OSBPL5: variants seen among roughly 807,000 people sequenced by gnomAD.
OSBPL5 encodes oxysterol-binding protein-related protein 5.
In OSBPL5, 71 loss-of-function variants were observed where a neutral mutation model predicts 111.2. That is an observed-to-expected ratio of 0.64 (90% confidence interval 0.53 to 0.78). The LOEUF is 0.78. Among genes scored for constraint, OSBPL5 ranks in the 30% least tolerant of loss-of-function variants. OSBPL5 has a pLI of 0.00. For missense variants in OSBPL5, 1,210 were observed against 1,189.3 expected, an observed-to-expected ratio of 1.02 and a Z score of -0.26; for synonymous variants, 549 against 513.9, an observed-to-expected ratio of 1.07 and a Z score of -0.93.
rs1020601841 is a variant in OSBPL5, at chr11:3,119,690, T to C, written c.607-59A>G. ...CAACACCCAGGGCCAGCTGCACAGATAGGTCAGGCAGAACCATGCGGATCC... is the reference window on the plus strand; with the variant it reads ...CAACACCCAGGGCCAGCTGCACAGACAGGTCAGGCAGAACCATGCGGATCC... On this transcript the variant is annotated intron_variant, in intron 6 of 21. Transcript: ENST00000263650. 9.3e-6 allele frequency: 14 copies of C among 1,513,330 alleles called. No homozygotes were observed. In the African/African-American group the frequency reaches 1.4e-4, roughly 16 times the overall value. The allele number at this position is 1,513,330 out of a possible 1,614,324, so 93.7% of individuals were successfully genotyped here.
rs1010405330 is a variant in OSBPL5, at chr11:3,140,520, T to A, written c.-21-11351A>T. On this transcript the variant is annotated intron_variant, in intron 1 of 21. Transcript: ENST00000263650. The surrounding 1 kb of genome is among the most constrained non-coding windows in gnomAD (Gnocchi z 4.5). ...TGACCTGGTAGCCCACTTTCAACAC[T>A]CCGTGAGCACGCAGGGCCTCCCCCA... Among the ~76,000 whole-genome samples, 5 of 151,960 alleles carry A rather than the reference T, an allele frequency of 3.3e-5. No individual in the cohort carries two copies. Among genetic ancestry groups the A allele is most frequent in the Admixed American group, 6.5e-5 (1 of 15,272 alleles).
Position 3,092,286 on chromosome 11 carries a change from G to C in OSBPL5, c.2259+146C>G. 1 of 1,192,002 alleles carries C rather than the reference G, an allele frequency of 8.4e-7. No individual in the cohort carries two copies. The highest frequency in any genetic ancestry group is 3.0e-5 in the Admixed American group (1 of 33,184). The allele number at this position is 1,192,002 out of a possible 1,614,324, so 73.8% of individuals were successfully genotyped here. A position where few individuals can be genotyped will look rare whatever the true frequency, so the allele number is the denominator to read the frequency against. On this transcript the variant is annotated intron_variant, in intron 19 of 21. Transcript: ENST00000263650. This position sits in a 1 kb window ranked among gnomAD's most constrained non-coding sequence, Gnocchi z 5.4. ...TTTCCTGAGTCCCATGCTCGGCAGA[G>C]AAGGAAAGGGGACGAGGGGGCTGGG... is the stretch of plus-strand genomic sequence containing the variant.
chr11:3,114,028 G>C (rs1020803451), intron 7 of OSBPL5, among the ~76,000 whole-genome samples: 2 of 151,976 alleles, frequency 1.3e-5, no homozygotes, highest in Non-Finnish European at 2.9e-5. Context: ...AAATGTAATA[G>C]GACAAATACT....
intron 1 of OSBPL5, among the ~76,000 whole-genome samples, chr11:3,151,228 CT>C (rs1220628321): frequency 1.3e-5 from 2 of 152,178 alleles, no homozygotes; most frequent in Non-Finnish European, 2.9e-5. Flanking sequence ...GAGCGCAGCC[CT>C]GCCGGCACTG....
chr11:3,121,223 A>C lies in OSBPL5; in HGVS notation c.403-599T>G, dbSNP rs761280152. Among the ~76,000 whole-genome samples, 1 of 151,678 alleles carries C rather than the reference A, an allele frequency of 6.6e-6. No individual in the cohort carries two copies. The highest frequency in any genetic ancestry group is 1.5e-5 in the Non-Finnish European group (1 of 67,906). ...CAGGCGCCCGCCACCATGCCTGGCT[A>C]ATTTCTGTATTTTTAGTAGAGACGG... On this transcript the variant is annotated intron_variant, in intron 5 of 21. Coordinates refer to ENST00000263650, the MANE Select transcript of OSBPL5 (RefSeq NM_020896.4). This position sits in a 1 kb window ranked among gnomAD's most constrained non-coding sequence, Gnocchi z 4.3.
intron 7 of OSBPL5, among the ~76,000 whole-genome samples, chr11:3,112,710 C>T (rs1858047962): frequency 6.6e-6 from 1 of 152,088 alleles, no homozygotes; most frequent in Non-Finnish European, 1.5e-5. Context: ...GATAGGTAGT[C>T]CCTACTACAT....
rs1255092002 is a variant in OSBPL5 at position 3,129,263 on chromosome 11, C to T, written c.-21-94G>A. 1.0e-5 allele frequency: 12 copies of T among 1,168,220 alleles called. No homozygotes were observed. In the Admixed American group the frequency reaches 3.7e-4, roughly 36 times the overall value. 72.4% of individuals were successfully genotyped at this position (1,168,220 alleles called of 1,614,324 possible). A position where few individuals can be genotyped will look rare whatever the true frequency, so the allele number is the denominator to read the frequency against. On this transcript the variant is annotated intron_variant, in intron 1 of 21. Coordinates refer to ENST00000263650, the MANE Select transcript of OSBPL5 (RefSeq NM_020896.4). ...GGGTGCCCCTGGCTAAGAAGTCCCC[C>T]TCTCAGGGGACTTCTGAGGCAGGGT...
Position 3,120,463 on chromosome 11 carries a change from G to C in OSBPL5, c.564C>G (p.Phe188Leu). Reference protein sequence around the residue: ...ERPSKKDGFCFKLFHPLDQSV... With the variant: ...ERPSKKDGFCLKLFHPLDQSV... ...ACTGATCCAGCGGGTGGAAGAGCTT[G>C]AAGCAGAAGCCGTCCTTCTTGGAGG... Residue 188 changes from phenylalanine to leucine, a missense_variant, in exon 6 of 22, where the codon TTC (phenylalanine) becomes TTG (leucine). Transcript: ENST00000263650. 6.2e-7 allele frequency: 1 copy of C among 1,613,304 alleles called. No individual in the cohort carries two copies. Among genetic ancestry groups the C allele is most frequent in the Non-Finnish European group, 8.5e-7 (1 of 1,180,024 alleles).
chr11:3,107,259 T>A lies in OSBPL5; in HGVS notation c.1059+4A>T. The A allele has an allele frequency of 6.2e-7, 1 of 1,610,456 alleles. No individual in the cohort carries two copies. Among genetic ancestry groups the A allele is most frequent in the Non-Finnish European group, 8.5e-7 (1 of 1,178,860 alleles). ...CTTGGGGCTCCTGGCTGGGGGGCTC[T>A]CACCTCCCCCAGCTCCTCCTGGACC... On this transcript the variant is annotated splice_donor_region_variant and intron_variant, in intron 9 of 21. Coordinates refer to ENST00000263650, the MANE Select transcript of OSBPL5 (RefSeq NM_020896.4). The surrounding 1 kb of genome is among the most constrained non-coding windows in gnomAD (Gnocchi z 6.1).
At chr11:3,128,810 C>T (rs914555138) in intron 2 of OSBPL5, among the ~76,000 whole-genome samples, 2 of 152,196 alleles carry the variant, frequency 1.3e-5, no homozygotes, top group Admixed American at 6.5e-5. Flanking sequence ...ACCAGATGGG[C>T]TTCACCTGGC....
Position 3,141,186 on chromosome 11 carries a change from C to T in OSBPL5, c.-21-12017G>A, listed in dbSNP as rs1846101770. Among the ~76,000 whole-genome samples the T allele has an allele frequency of 6.6e-6, 1 of 152,222 alleles. No individual in the cohort carries two copies. The highest frequency in any genetic ancestry group is 1.5e-5 in the Non-Finnish European group (1 of 68,036). ...TGACAGCCACCCAGGCTTCCCCCCG[C>T]CCAGCAGACAGTATCGTCATCATGT... On this transcript the variant is annotated intron_variant, in intron 1 of 21. Coordinates refer to ENST00000263650, the MANE Select transcript of OSBPL5 (RefSeq NM_020896.4). The surrounding 1 kb of genome is among the most constrained non-coding windows in gnomAD (Gnocchi z 6.5).
In OSBPL5 at chr11:3,110,433, G is replaced by C. The variant is rs767505352; in HGVS notation, c.692-2488C>G. Among the ~76,000 whole-genome samples the C allele has an allele frequency of 1.3e-5, 2 of 152,252 alleles. No homozygotes were observed. Among genetic ancestry groups the C allele is most frequent in the Non-Finnish European group, 2.9e-5 (2 of 68,046 alleles). ...GCCACTCAGGGAACAGCAACAGCGTGCAATGCATTTGGGAGTCAGGGAAAT... is the reference window on the plus strand; with the variant it reads ...GCCACTCAGGGAACAGCAACAGCGTCCAATGCATTTGGGAGTCAGGGAAAT... On this transcript the variant is annotated intron_variant, in intron 7 of 21. Transcript: ENST00000263650. This position sits in a 1 kb window ranked among gnomAD's most constrained non-coding sequence, Gnocchi z 5.3.
In OSBPL5 at chr11:3,095,196, G is replaced by T. The variant is rs561029626; in HGVS notation, c.1622-862C>A. ...AGCGGCATCTCTGTGCAGCTCTGAT[G>T]GGGGGAGGTCTCCAGGCTCCACGGA... On this transcript the variant is annotated intron_variant, in intron 14 of 21. Coordinates refer to ENST00000263650, the MANE Select transcript of OSBPL5 (RefSeq NM_020896.4). 2.3e-3 allele frequency among the ~76,000 whole-genome samples: 346 copies of T among 151,462 alleles called. 2 individuals carry two copies. The highest frequency in any genetic ancestry group is 3.5e-3 in the Non-Finnish European group (238 of 67,942).
At position 3,130,933 on chromosome 11, in the gene OSBPL5, C is replaced by A. The variant is rs138701323; in HGVS notation, c.-21-1764G>T. 6.6e-6 allele frequency among the ~76,000 whole-genome samples: 1 copy of A among 152,254 alleles called. No individual in the cohort carries two copies. Among genetic ancestry groups the A allele is most frequent in the African/African-American group, 2.4e-5 (1 of 41,538 alleles). On this transcript the variant is annotated intron_variant, in intron 1 of 21. Coordinates refer to ENST00000263650, the MANE Select transcript of OSBPL5 (RefSeq NM_020896.4). This position sits in a 1 kb window ranked among gnomAD's most constrained non-coding sequence, Gnocchi z 4.5. ...CAGACAGCTGAGATTTTCTGAGCAC[C>A]CAGGCTGGGCTGGGCACCAGGCAGC...
Position 3,104,697 on chromosome 11 carries a change from G to C in OSBPL5, c.1060-320C>G, listed in dbSNP as rs1857635991. 6.6e-6 allele frequency among the ~76,000 whole-genome samples: 1 copy of C among 152,202 alleles called. No individual in the cohort carries two copies. The highest frequency in any genetic ancestry group is 2.4e-5 in the African/African-American group (1 of 41,448). On this transcript the variant is annotated intron_variant, in intron 9 of 21. Transcript: ENST00000263650. The surrounding 1 kb of genome is among the most constrained non-coding windows in gnomAD (Gnocchi z 5.0). ...CTCCCAACACCTGCTGTTGAAACCT[G>C]TCTGTGCATCGTGGGACCCTGGGCC...
intron 1 of OSBPL5, 42 bp from the exon 2 acceptor site, chr11:3,129,211 G>C: frequency 7.4e-7 from 1 of 1,358,124 alleles, no homozygotes; most frequent in Non-Finnish European, 9.5e-7. Context: ...TCACCGCCCC[G>C]GAAGGGGCTT....
At chr11:3,095,640 C>T (rs565417345) in intron 14 of OSBPL5, among the ~76,000 whole-genome samples, 26 of 152,184 alleles carry the variant, frequency 1.7e-4, no homozygotes, top group African/African-American at 5.1e-4. Context: ...TAATACGTGG[C>T]AATAATGACC....
In OSBPL5 at chr11:3,161,696, G is replaced by A. The variant is rs1277189489; in HGVS notation, c.-22+3520C>T. 1.3e-5 allele frequency among the ~76,000 whole-genome samples: 2 copies of A among 151,730 alleles called. No homozygotes were observed. The highest frequency in any genetic ancestry group is 2.9e-5 in the Non-Finnish European group (2 of 67,978). On this transcript the variant is annotated intron_variant, in intron 1 of 21. Coordinates refer to ENST00000263650, the MANE Select transcript of OSBPL5 (RefSeq NM_020896.4). This position sits in a 1 kb window ranked among gnomAD's most constrained non-coding sequence, Gnocchi z 8.0. ...ACCATGAACCTGGCTTGGCCCAATC[G>A]CTTTCTCCATAGGAAGCCATTCAAT...
At chr11:3,117,332 A>G (rs1411715600) in intron 7 of OSBPL5, among the ~76,000 whole-genome samples, 1 of 152,218 alleles carries the variant, frequency 6.6e-6, no homozygotes, top group Admixed American at 6.5e-5. Context: ...AGGAGCTCCA[A>G]ATTTATCTTG....
Sources: gnomAD v4.1 joint callset for allele counts (sites outside exome capture counted in the v4.1 genomes callset) on GRCh38, gnomAD v4.1.1 for gene constraint, Gnocchi (gnomAD v3.1) non-coding constraint, MANE v1.5 for transcripts, NCBI Gene and HGNC (gene_info 2026-07-23, HGNC 2026-07-21) for gene names.